KCNK2: variants seen among roughly 807,000 people sequenced by gnomAD.
KCNK2 encodes potassium two pore domain channel subfamily K member 2.
In KCNK2, 21 loss-of-function variants were observed where a neutral mutation model predicts 40.5. The ratio of observed to expected loss-of-function variants is 0.52; its 90% CI spans 0.37 to 0.75. The LOEUF (loss-of-function observed/expected upper bound fraction) is 0.75, where lower values mean the gene tolerates loss of function less well. KCNK2 is among the 30% of genes least tolerant of loss of function. The pLI is 0.00. For synonymous variants in KCNK2, 191 were observed against 202.2 expected, an observed-to-expected ratio of 0.94 and a Z score of 0.47; for missense variants, 399 against 531.6, an observed-to-expected ratio of 0.75 and a Z score of 2.45.
At chr1:215,068,881 A>G (rs1037767076) in intron 1 of KCNK2, among the ~76,000 whole-genome samples, 1 of 152,214 alleles carries the variant, frequency 6.6e-6, no homozygotes, top group Non-Finnish European at 1.5e-5. Context: ...CTTAGCAACC[A>G]GCTATTTGGG....
At chr1:215,019,054 G>T (rs76598604) in intron 1 of KCNK2, among the ~76,000 whole-genome samples, 2,422 of 151,928 alleles carry the variant, frequency 0.016, 64 homozygotes, top group African/African-American at 0.056. Context: ...TTCATAACTT[G>T]CCATGTCCTA....
At chr1:215,070,879 G>C (rs1376156669) in intron 1 of KCNK2, among the ~76,000 whole-genome samples, 1 of 152,102 alleles carries the variant, frequency 6.6e-6, no homozygotes, top group Admixed American at 6.5e-5. Flanking sequence ...ACGATCAAAT[G>C]TATCAGAGGT....
intron 6 of KCNK2, among the ~76,000 whole-genome samples, chr1:215,216,496 AT>A (rs962165153): frequency 2.7e-5 from 4 of 148,714 alleles, no homozygotes; most frequent in Admixed American, 6.8e-5. Flanking sequence ...ACATAATACT[AT>A]TATATATGCT....
chr1:215,229,839 G>C (rs914534176), intron 6 of KCNK2, among the ~76,000 whole-genome samples: 1 of 151,704 alleles, frequency 6.6e-6, no homozygotes, highest in Admixed American at 6.6e-5. Flanking sequence ...CCGCTATAGG[G>C]TAGATTTCTA....
rs370065920 is a variant in KCNK2 at position 215,012,329 on chromosome 1, GT to G, written c.34+6379del. 3.9e-5 allele frequency among the ~76,000 whole-genome samples: 6 copies of G among 152,054 alleles called. 1 individual carries two copies. The South Asian group carries it at 1.2e-3, about 32-fold the overall frequency. ...CAGTGCTTGGTATTGATGGCTTTTT[GT>G]TTTTGTTTTTATTTCTTACCCGTTC... On this transcript the variant is annotated intron_variant, in intron 1 of 6. Coordinates refer to the KCNK2 transcript ENST00000391895.
intron 3 of KCNK2, among the ~76,000 whole-genome samples, chr1:215,139,384 C>T (rs1662067686): frequency 2.0e-5 from 3 of 152,140 alleles, no homozygotes; most frequent in Middle Eastern, 3.2e-3. Context: ...TGAAGATTTG[C>T]TTTATTGTTT....
At chr1:215,098,876 C>G (rs1298219733) in intron 2 of KCNK2, among the ~76,000 whole-genome samples, 3 of 151,872 alleles carry the variant, frequency 2.0e-5, no homozygotes, top group Non-Finnish European at 4.4e-5. Flanking sequence ...TTATTTTTCT[C>G]TATGATGACT....
intron 3 of KCNK2, among the ~76,000 whole-genome samples, chr1:215,146,847 G>A (rs1243447632): frequency 6.6e-6 from 1 of 152,130 alleles, no homozygotes; most frequent in Admixed American, 6.5e-5. Context: ...AGAGAGTGGG[G>A]ATAACTAGTT....
At chr1:215,016,570 A>G (rs1019562634) in intron 1 of KCNK2, among the ~76,000 whole-genome samples, 3 of 152,182 alleles carry the variant, frequency 2.0e-5, no homozygotes, top group South Asian at 2.1e-4. Context: ...GGATAAAATT[A>G]GACTCTCATC....
intron 6 of KCNK2, among the ~76,000 whole-genome samples, chr1:215,203,578 TATC>T (rs1177286900): frequency 1.3e-5 from 2 of 151,906 alleles, no homozygotes; most frequent in African/African-American, 4.8e-5. Context: ...GAACATAAAA[TATC>T]ATGAGTGCTT....
chr1:215,210,759 A>G (rs1167892610), intron 6 of KCNK2, among the ~76,000 whole-genome samples: 1 of 152,156 alleles, frequency 6.6e-6, no homozygotes, highest in Non-Finnish European at 1.5e-5. Context: ...GATATACAGA[A>G]TATGCTTTAC....
At chr1:215,160,607 T>A (rs546371964) in intron 3 of KCNK2, among the ~76,000 whole-genome samples, 1 of 152,328 alleles carries the variant, frequency 6.6e-6, no homozygotes, top group Non-Finnish European at 1.5e-5. Context: ...AAATAGCTGG[T>A]AATGTTCATC....
intron 1 of KCNK2, among the ~76,000 whole-genome samples, chr1:215,044,833 G>GCGCGCGCACA (rs540471262): frequency 3.5e-5 from 5 of 141,316 alleles, no homozygotes; most frequent in African/African-American, 1.3e-4. Flanking sequence ...GTGTGCGCGC[G>GCGCGCGCACA]CACACGTGTG....
intron 6 of KCNK2, among the ~76,000 whole-genome samples, chr1:215,216,491 A>C (rs1665966307): frequency 6.7e-6 from 1 of 148,658 alleles, no homozygotes; most frequent in African/African-American, 2.4e-5. Context: ...TTTATACATA[A>C]TACTATTATA....
chr1:215,051,418 C>A (rs1209185520), intron 1 of KCNK2, among the ~76,000 whole-genome samples: 1 of 152,198 alleles, frequency 6.6e-6, no homozygotes, highest in African/African-American at 2.4e-5. Context: ...CTTGATCCAT[C>A]ATATTACAGA....
At chr1:215,202,928 CTGT>C (rs980682291) in intron 6 of KCNK2, among the ~76,000 whole-genome samples, 1 of 152,114 alleles carries the variant, frequency 6.6e-6, no homozygotes, top group Non-Finnish European at 1.5e-5. Flanking sequence ...TGTTTCTTAT[CTGT>C]TGTTGTTATT....
At chr1:215,188,108 C>T (rs1248543660) in intron 5 of KCNK2, among the ~76,000 whole-genome samples, 3 of 152,066 alleles carry the variant, frequency 2.0e-5, no homozygotes, top group African/African-American at 7.2e-5. Flanking sequence ...TTTATTTAAC[C>T]ATCCAAATAC....
At chr1:215,108,630 A>G (rs888949310) in intron 2 of KCNK2, among the ~76,000 whole-genome samples, 4 of 150,854 alleles carry the variant, frequency 2.7e-5, no homozygotes, top group Non-Finnish European at 4.4e-5. Context: ...TTCTTCTAGA[A>G]GTTTTATAGT....
At chr1:215,132,421 G>T (rs972569882) in intron 3 of KCNK2, among the ~76,000 whole-genome samples, 1 of 152,182 alleles carries the variant, frequency 6.6e-6, no homozygotes, top group Admixed American at 6.5e-5. Context: ...TGTTCTCAGA[G>T]AATTGTGTAT....
Sources: allele counts gnomAD v4.1 joint callset (sites outside exome capture counted in the v4.1 genomes callset), GRCh38; gene constraint gnomAD v4.1.1; transcripts MANE v1.5; gene names NCBI Gene and HGNC (gene_info 2026-07-23, HGNC 2026-07-21).